Variants in TOMM20L observed in about 807,000 individuals in gnomAD.
The protein encoded by TOMM20L is translocase of outer mitochondrial membrane 20 like.
In TOMM20L, 19 loss-of-function variants were observed where a neutral mutation model predicts 20.4. The ratio of observed to expected loss-of-function variants is 0.93; its 90% confidence interval spans 0.65 to 1.36. The LOEUF is 1.36. Ranked by LOEUF, TOMM20L falls within the 40% of genes most tolerant of loss-of-function variation. The probability of loss-of-function intolerance (pLI) is 0.00; values close to 1 mark genes in which losing one functional copy is unlikely to be tolerated. For missense variants in TOMM20L, 218 were observed against 203.7 expected (o/e 1.07, Z -0.43); for synonymous variants, 75 against 79.6 (o/e 0.94, Z 0.30).
chr14:58,404,047 C>G (rs2036022698), intron 3 of TOMM20L, among the ~76,000 whole-genome samples: 1 of 125,388 alleles, frequency 8.0e-6, no homozygotes, highest in South Asian at 2.6e-4. Context: ...ACTGATATTG[C>G]TGGATAAATC....
rs2036110539 is a variant in TOMM20L, at chr14:58,408,660, CCATTT to C, written c.*79_*83del. The C allele has an allele frequency of 2.9e-6, 4 of 1,383,858 alleles. No homozygotes were observed. The East Asian group carries it at 9.7e-5, about 34-fold the overall frequency. The allele number at this position is 1,383,858 out of a possible 1,614,324, so 85.7% of individuals were successfully genotyped here. Reference sequence around the variant, plus strand: ...TATAAACAACTGCTCAGTGATATTTCCATTTATTTTACTTTGAGTAATAAAAATTT... The same window carrying C: ...TATAAACAACTGCTCAGTGATATTTCATTTTACTTTGAGTAATAAAAATTT... On this transcript the variant is annotated 3_prime_UTR_variant, in exon 5 of 5. Transcript: ENST00000360945.
rs983118774 is a variant in TOMM20L, at chr14:58,407,203, T to G, written c.263-123T>G. On this transcript the variant is annotated intron_variant, in intron 3 of 4. Coordinates refer to ENST00000360945, the MANE Select transcript of TOMM20L (RefSeq NM_207377.3). ...TTTGTACTCTACTCTTCACAAGACT[T>G]GTCTAAGTAGTCTTTAGTTGGATAT... is the stretch of plus-strand genomic sequence containing the variant. 4.6e-6 allele frequency: 4 copies of G among 872,636 alleles called. No individual in the cohort carries two copies. In the Admixed American group the frequency reaches 1.1e-4, roughly 25 times the overall value. The allele number at this position is 872,636 out of a possible 1,614,324, so 54.1% of individuals were successfully genotyped here. A position where few individuals can be genotyped will look rare whatever the true frequency, so the allele number is the denominator to read the frequency against.
intron 3 of TOMM20L, among the ~76,000 whole-genome samples, chr14:58,405,348 A>C (rs1046059266): frequency 1.3e-5 from 2 of 152,198 alleles, no homozygotes; most frequent in African/African-American, 4.8e-5. Flanking sequence ...GAAAGTTCTG[A>C]ATTATAAGTC....
At chr14:58,400,956 G>A (rs914238126) in intron 2 of TOMM20L, among the ~76,000 whole-genome samples, 20 of 152,138 alleles carry the variant, frequency 1.3e-4, no homozygotes, top group Admixed American at 2.6e-4. Flanking sequence ...GCAATTTTGC[G>A]TTGCTTATAC....
chr14:58,395,997 G>T lies in TOMM20L; in HGVS notation c.40G>T (p.Ala14Ser). ...VRSLLRLLAA[A>S]AACGAFAFLG... ...CTCCCTCCTCCGCCTCTTGGCCGCC[G>T]CGGCGGCCTGTGGCGCCTTCGCCTT... The change falls in exon 1 of 5, where the codon GCG becomes TCG. Residue 14 changes from alanine (A) to serine (S), a missense_variant. Ala to Ser is a moderately conservative substitution (Grantham distance 99). Transcript: ENST00000360945. The T allele has an allele frequency of 6.9e-7, 1 of 1,453,660 alleles. No homozygotes were observed. 90.0% of individuals were successfully genotyped at this position (1,453,660 alleles called of 1,614,324 possible). A position where few individuals can be genotyped will look rare whatever the true frequency, so the allele number is the denominator to read the frequency against.
chr14:58,400,756 T>C (rs2035984220), intron 2 of TOMM20L, among the ~76,000 whole-genome samples: 1 of 151,950 alleles, frequency 6.6e-6, no homozygotes, highest in Non-Finnish European at 1.5e-5. Flanking sequence ...CGTGCACCTG[T>C]AATCCCAGCT....
At chr14:58,397,252 A>T (rs1426528866) in intron 2 of TOMM20L, among the ~76,000 whole-genome samples, 1 of 152,200 alleles carries the variant, frequency 6.6e-6, no homozygotes, top group African/African-American at 2.4e-5. Context: ...ACAAGCAAAC[A>T]CATATATGTA....
At position 58,396,060 on chromosome 14, in the gene TOMM20L, G is replaced by A. The variant is rs2035911328; in HGVS notation, c.103G>A (p.Gly35Arg). Residue 35 changes from glycine (G) to arginine (R), a missense_variant, in exon 1 of 5, where the codon GGG becomes AGG. Physicochemically the swap from Gly to Arg is moderately radical, Grantham distance 125. Transcript: ENST00000360945. ...TATTTACCTCAACCGGAAGCGGCGC[G>A]GGGACCCCGCGTTCAAGCGCCGCCT... ...YCIYLNRKRR[G>R]DPAFKRRLRD... 3.5e-6 allele frequency: 5 copies of A among 1,412,924 alleles called. No individual in the cohort carries two copies. Among genetic ancestry groups the A allele is most frequent in the Non-Finnish European group, 4.6e-6 (5 of 1,079,056 alleles). 87.5% of individuals were successfully genotyped at this position (1,412,924 alleles called of 1,614,324 possible).
chr14:58,414,257 G>A, the TOMM20L span, among the ~76,000 whole-genome samples: 1 of 151,854 alleles, frequency 6.6e-6, no homozygotes, highest in Non-Finnish European at 1.5e-5. Flanking sequence ...ATGAAGCTTT[G>A]TTGAAACTAA....
downstream of TOMM20L, among the ~76,000 whole-genome samples, chr14:58,411,431 A>G (rs1432146991): frequency 4.6e-5 from 7 of 151,696 alleles, no homozygotes; most frequent in South Asian, 2.1e-4. Flanking sequence ...CTGGCCGACA[A>G]AGAGAGACTG....
At chr14:58,404,292 G>C (rs1325196408) in intron 3 of TOMM20L, among the ~76,000 whole-genome samples, 32 of 143,892 alleles carry the variant, frequency 2.2e-4, no homozygotes, top group Admixed American at 1.8e-3. Flanking sequence ...ACTACGCCCG[G>C]CTAATTTTTT....
At chr14:58,411,986 CA>C, downstream of TOMM20L, 1 of 1,592,996 alleles carries the variant, frequency 6.3e-7, no homozygotes, top group South Asian at 1.1e-5. Context: ...TTTAAAAATT[CA>C]AAACAAGTTT....
chr14:58,414,877 G>C, the TOMM20L span, among the ~76,000 whole-genome samples: 1 of 152,168 alleles, frequency 6.6e-6, no homozygotes, highest in African/African-American at 2.4e-5. Context: ...CAGGGAGCCT[G>C]GCTTTCCACC....
intron 3 of TOMM20L, among the ~76,000 whole-genome samples, chr14:58,404,501 GT>G (rs1338779878): frequency 6.7e-6 from 1 of 149,156 alleles, no homozygotes; most frequent in African/African-American, 2.5e-5. Context: ...TTCTGTTGTT[GT>G]TTTTTTTCAA....
downstream of TOMM20L, among the ~76,000 whole-genome samples, chr14:58,411,129 T>G (rs749807011): frequency 1.4e-4 from 22 of 152,220 alleles, no homozygotes; most frequent in Non-Finnish European, 2.2e-4. Context: ...ATTTAATTTT[T>G]CCTTGATTAT....
At chr14:58,405,126 G>A (rs1191470366) in intron 3 of TOMM20L, among the ~76,000 whole-genome samples, 1 of 151,882 alleles carries the variant, frequency 6.6e-6, no homozygotes. Context: ...GCACCACCAC[G>A]CCCAGCTAAT....
intron 2 of TOMM20L, among the ~76,000 whole-genome samples, chr14:58,401,296 G>T (rs1184155901): frequency 1.3e-5 from 2 of 152,176 alleles, no homozygotes; most frequent in African/African-American, 4.8e-5. Context: ...CCCTGGCTGG[G>T]CATGGTGGCT....
At chr14:58,398,175 T>A (rs2035950576) in intron 2 of TOMM20L, among the ~76,000 whole-genome samples, 1 of 152,212 alleles carries the variant, frequency 6.6e-6, no homozygotes, top group Non-Finnish European at 1.5e-5. Context: ...CCCTCGTCAT[T>A]GTCCATGGTT....
At chr14:58,401,431 G>A (rs1049918715) in intron 2 of TOMM20L, among the ~76,000 whole-genome samples, 2 of 152,106 alleles carry the variant, frequency 1.3e-5, no homozygotes, top group Admixed American at 6.6e-5. Flanking sequence ...TTAGCTGGGC[G>A]TGGTGATGGG....
Sources: gnomAD v4.1 joint callset for allele counts (sites outside exome capture counted in the v4.1 genomes callset) on GRCh38, gnomAD v4.1.1 for gene constraint, MANE v1.5 for transcripts, NCBI Gene and HGNC (gene_info 2026-07-23, HGNC 2026-07-21) for gene names.